SHQ1: variants seen among roughly 807,000 people sequenced by gnomAD.
SHQ1 encodes SHQ1, H/ACA ribonucleoprotein assembly factor.
In SHQ1, 49 loss-of-function variants were observed where a neutral mutation model predicts 53.8. That is an observed-to-expected ratio of 0.91 (90% CI 0.72 to 1.16). SHQ1 has a LOEUF of 1.16. SHQ1 is among the 50% of genes most tolerant of loss of function. SHQ1 has a pLI of 0.00. For synonymous variants in SHQ1, 243 were observed against 251.0 expected (o/e 0.97, Z 0.30); for missense variants, 738 against 683.1 (o/e 1.08, Z -0.90).
intron 10 of SHQ1, among the ~76,000 whole-genome samples, chr3:72,761,172 AT>A (rs1042338964): frequency 2.0e-5 from 3 of 152,008 alleles, no homozygotes; most frequent in African/African-American, 4.8e-5. Context: ...TATTTTTAAA[AT>A]TTTTTTTATT....
At position 72,848,245 on chromosome 3, in the gene SHQ1, G is replaced by A. The variant is rs1708415319; in HGVS notation, c.96C>T (p.Tyr32=). 1.2e-6 allele frequency: 2 copies of A among 1,614,216 alleles called. No homozygotes were observed. Among genetic ancestry groups the A allele is most frequent in the African/African-American group, 1.3e-5 (1 of 75,052 alleles). The change falls in exon 1 of 11, where the codon TAC becomes TAT. Residue 32 remains tyrosine (Y), a synonymous_variant. Coordinates refer to ENST00000325599, the MANE Select transcript of SHQ1 (RefSeq NM_018130.3). ...AGAACTTGAAGTCAGACCCCTCGAA[G>A]TAGACGTCGAACTCGGAGACCCGGG... ...PYARVSEFDV[Y]FEGSDFKFYA...
At chr3:72,776,445 G>A (rs1460580942) in intron 10 of SHQ1, among the ~76,000 whole-genome samples, 1 of 152,106 alleles carries the variant, frequency 6.6e-6, no homozygotes, top group Non-Finnish European at 1.5e-5. Flanking sequence ...TGTGTAGTAG[G>A]CTATGCCATC....
chr3:72,751,944 G>A (rs1705394228), intron 10 of SHQ1, among the ~76,000 whole-genome samples: 1 of 151,998 alleles, frequency 6.6e-6, no homozygotes, highest in Non-Finnish European at 1.5e-5. Flanking sequence ...TATATACCCT[G>A]GACCCAGAAA....
At chr3:72,745,905 C>CA (rs1705251044), downstream of SHQ1, among the ~76,000 whole-genome samples, 1 of 151,192 alleles carries the variant, frequency 6.6e-6, no homozygotes, top group South Asian at 2.1e-4. Flanking sequence ...TGCAGTGGCA[C>CA]AATCTCGGCT....
At chr3:72,745,317 C>T (rs546106805), downstream of SHQ1, among the ~76,000 whole-genome samples, 1 of 152,156 alleles carries the variant, frequency 6.6e-6, no homozygotes, top group African/African-American at 2.4e-5. Flanking sequence ...TGGTAGGGAG[C>T]ACTCTTGTCT....
chr3:72,837,756 G>A (rs752312171), intron 4 of SHQ1, among the ~76,000 whole-genome samples: 1 of 152,114 alleles, frequency 6.6e-6, no homozygotes, highest in Non-Finnish European at 1.5e-5. Flanking sequence ...TAGAATTAGG[G>A]TCATATTATT....
chr3:72,848,442 A>C lies in SHQ1; in HGVS notation c.-102T>G. ...CCCACGCGCAGGAACTCTCGGTGTG[A>C]GGGACGGAGCTTCCGGCTCGAGGCG... On this transcript the variant is annotated 5_prime_UTR_variant, in exon 1 of 11. Coordinates refer to ENST00000325599, the MANE Select transcript of SHQ1 (RefSeq NM_018130.3). The C allele has an allele frequency of 6.6e-7, 1 of 1,523,852 alleles. No individual in the cohort carries two copies. The allele number at this position is 1,523,852 out of a possible 1,614,324, so 94.4% of individuals were successfully genotyped here.
intron 10 of SHQ1, chr3:72,773,372 A>C (rs766045345): frequency 8.8e-5 from 45 of 511,012 alleles, no homozygotes; most frequent in Admixed American, 7.6e-4. Flanking sequence ...AAAAGATGAC[A>C]CAGTACATCC....
rs148052798 is a variant in SHQ1, at chr3:72,750,474, A to G, written c.1544T>C (p.Ile515Thr). 39 of 1,614,172 alleles carry G rather than the reference A, an allele frequency of 2.4e-5. 1 individual carries two copies. In the East Asian group the frequency reaches 8.7e-4, roughly 36 times the overall value. The change falls in exon 11 of 11, where the codon ATC becomes ACC. Residue 515 changes from isoleucine (I) to threonine (T), a missense_variant. Ile to Thr is a moderately conservative substitution (Grantham distance 89). Transcript: ENST00000325599. ...VDGGVRRNTA[I>T]QESDASQGKP... ...TCCCTGACTGGCATCAGACTCCTGG[A>G]TGGCTGTGTTTCTGCGTACTCCACC...
At chr3:72,743,903 G>C in the SHQ1 span, among the ~76,000 whole-genome samples, 1 of 152,228 alleles carries the variant, frequency 6.6e-6, no homozygotes, top group South Asian at 2.1e-4. Flanking sequence ...GAGCAATGAA[G>C]GGTGACCTCC....
At chr3:72,765,557 A>ATATT (rs1491527508) in intron 10 of SHQ1, among the ~76,000 whole-genome samples, 13 of 57,186 alleles carry the variant, frequency 2.3e-4, no homozygotes, top group East Asian at 4.8e-4. Context: ...ATATATATAT[A>ATATT]TTTTTTTTTT....
chr3:72,838,958 A>C (rs1708078794), intron 4 of SHQ1, among the ~76,000 whole-genome samples: 1 of 152,198 alleles, frequency 6.6e-6, no homozygotes, highest in African/African-American at 2.4e-5. Context: ...GCTTAAAAAA[A>C]AAAAAAAACC....
At chr3:72,823,059 G>A (rs1432432661) in intron 6 of SHQ1, among the ~76,000 whole-genome samples, 1 of 150,166 alleles carries the variant, frequency 6.7e-6, no homozygotes, top group Non-Finnish European at 1.5e-5. Flanking sequence ...TGAGGTAGGA[G>A]AATGGCGTGA....
At chr3:72,752,390 G>T (rs1248566321) in intron 10 of SHQ1, among the ~76,000 whole-genome samples, 3 of 152,150 alleles carry the variant, frequency 2.0e-5, no homozygotes, top group Non-Finnish European at 4.4e-5. Context: ...TGGCGTGACG[G>T]AGCCTTTTCA....
At chr3:72,774,903 T>TA (rs1310492538) in intron 10 of SHQ1, among the ~76,000 whole-genome samples, 1 of 151,988 alleles carries the variant, frequency 6.6e-6, no homozygotes, top group African/African-American at 2.4e-5. Context: ...TCACCTGAAA[T>TA]AAGGAGTTCA....
intron 10 of SHQ1, among the ~76,000 whole-genome samples, chr3:72,775,195 A>G (rs1292443826): frequency 2.0e-5 from 3 of 152,056 alleles, no homozygotes; most frequent in Non-Finnish European, 2.9e-5. Flanking sequence ...ATTTAAAAAC[A>G]AAAAAACAAA....
At chr3:72,786,506 G>A (rs577143233) in intron 10 of SHQ1, among the ~76,000 whole-genome samples, 1 of 152,006 alleles carries the variant, frequency 6.6e-6, no homozygotes, top group Admixed American at 6.6e-5. Flanking sequence ...ATATTCTTTT[G>A]TCTACTGTCT....
chr3:72,809,646 T>C (rs1707059148), intron 9 of SHQ1: 1 of 152,196 alleles, frequency 6.6e-6, no homozygotes, highest in African/African-American at 2.4e-5. Flanking sequence ...CTATGACTTG[T>C]CACTTCTAAA....
At chr3:72,833,190 C>T (rs937099665) in intron 4 of SHQ1, among the ~76,000 whole-genome samples, 2 of 152,092 alleles carry the variant, frequency 1.3e-5, no homozygotes, top group Admixed American at 1.3e-4. Context: ...TCCTGTAACC[C>T]CAGCACTTTG....
Sources: allele counts gnomAD v4.1 joint callset (sites outside exome capture counted in the v4.1 genomes callset), GRCh38; gene constraint gnomAD v4.1.1; transcripts MANE v1.5; gene names NCBI Gene and HGNC (gene_info 2026-07-23, HGNC 2026-07-21).